ENTREP2: variants seen among roughly 807,000 people sequenced by gnomAD.
ENTREP2 encodes protein ENTREP2.
the ENTREP2 span, among the ~76,000 whole-genome samples, chr15:29,232,290 A>G: frequency 1.3e-5 from 2 of 152,174 alleles, no homozygotes; most frequent in Non-Finnish European, 2.9e-5. Flanking sequence ...TTTAAATTCG[A>G]TCTATTTCAC....
At chr15:29,267,233 A>G in the ENTREP2 span, 1 of 152,156 alleles carries the variant, frequency 6.6e-6, no homozygotes, top group Non-Finnish European at 1.5e-5. Flanking sequence ...TCCCCGAGTT[A>G]AAAATATTTG....
the ENTREP2 span, among the ~76,000 whole-genome samples, chr15:29,244,396 A>G: frequency 3.3e-5 from 5 of 152,242 alleles, no homozygotes; most frequent in Non-Finnish European, 7.3e-5. Context: ...GTGTTAAAAA[A>G]TTCCAGTGTT....
At chr15:29,525,799 T>C in the ENTREP2 span, among the ~76,000 whole-genome samples, 3 of 152,304 alleles carry the variant, frequency 2.0e-5, no homozygotes, top group East Asian at 5.8e-4. Context: ...TAACCTGATT[T>C]TGGTGATGGT....
the ENTREP2 span, among the ~76,000 whole-genome samples, chr15:29,128,383 C>T: frequency 6.6e-6 from 1 of 152,132 alleles, no homozygotes; most frequent in Non-Finnish European, 1.5e-5. Context: ...TCCTGCCAGC[C>T]GCCCAGCCCA....
chr15:29,379,542 AACT>A, the ENTREP2 span, among the ~76,000 whole-genome samples: 1 of 152,180 alleles, frequency 6.6e-6, no homozygotes, highest in Admixed American at 6.5e-5. Flanking sequence ...GCCCTGCTCC[AACT>A]ATGCGGCAGG....
chr15:29,617,889 G>A, the ENTREP2 span, among the ~76,000 whole-genome samples: 1 of 152,204 alleles, frequency 6.6e-6, no homozygotes, highest in South Asian at 2.1e-4. Flanking sequence ...CAGAAGGTTA[G>A]GACCAGGCAG....
the ENTREP2 span, among the ~76,000 whole-genome samples, chr15:29,170,495 A>G: frequency 1.3e-5 from 2 of 152,326 alleles, no homozygotes; most frequent in African/African-American, 4.8e-5. Context: ...AGTCATGAAT[A>G]GGAAGATTCA....
At chr15:29,206,963 A>G in the ENTREP2 span, among the ~76,000 whole-genome samples, 1 of 152,062 alleles carries the variant, frequency 6.6e-6, no homozygotes, top group Non-Finnish European at 1.5e-5. Flanking sequence ...TACCTTCACC[A>G]CTGTCTCCCC....
At chr15:29,444,635 T>G in the ENTREP2 span, among the ~76,000 whole-genome samples, 1 of 151,872 alleles carries the variant, frequency 6.6e-6, no homozygotes, top group Non-Finnish European at 1.5e-5. Context: ...CCTGGCTAAT[T>G]TTTGTATTTT....
At chr15:29,445,372 G>A in the ENTREP2 span, among the ~76,000 whole-genome samples, 1 of 152,146 alleles carries the variant, frequency 6.6e-6, no homozygotes, top group Non-Finnish European at 1.5e-5. Context: ...AACCAACCCT[G>A]TGATTAGAGC....
chr15:29,646,258 G>A, the ENTREP2 span, among the ~76,000 whole-genome samples: 1 of 152,196 alleles, frequency 6.6e-6, no homozygotes, highest in Admixed American at 6.5e-5. Context: ...AAGTCCAGGT[G>A]GCTTGACTGG....
At chr15:29,233,836 A>G in the ENTREP2 span, 3 of 1,580,750 alleles carry the variant, frequency 1.9e-6, no homozygotes, top group Non-Finnish European at 2.6e-6. Context: ...ATTAAAAAGG[A>G]GTAGAATGAG....
the ENTREP2 span, among the ~76,000 whole-genome samples, chr15:29,245,887 G>A: frequency 6.6e-6 from 1 of 152,178 alleles, no homozygotes; most frequent in Non-Finnish European, 1.5e-5. Context: ...AAGGTGTGAA[G>A]GGGTGCCTTG....
the ENTREP2 span, among the ~76,000 whole-genome samples, chr15:29,657,012 C>A: frequency 0.1 from 15,188 of 152,108 alleles, 2,357 homozygotes; most frequent in African/African-American, 0.33. Flanking sequence ...GGTCTCGCTG[C>A]CTTCAAGAAC....
chr15:29,505,326 A>G, the ENTREP2 span, among the ~76,000 whole-genome samples: 1 of 152,258 alleles, frequency 6.6e-6, no homozygotes, highest in African/African-American at 2.4e-5. This position sits in a 1 kb window ranked among gnomAD's most constrained non-coding sequence, Gnocchi z 4.3. Context: ...CTATGGGCGC[A>G]GCTTCAGCAG....
the ENTREP2 span, among the ~76,000 whole-genome samples, chr15:29,520,672 T>C: frequency 6.6e-6 from 1 of 152,100 alleles, no homozygotes; most frequent in Non-Finnish European, 1.5e-5. Context: ...AATTGAAGTA[T>C]TTTATGAAAA....
At chr15:29,323,453 T>C in the ENTREP2 span, among the ~76,000 whole-genome samples, 1 of 152,154 alleles carries the variant, frequency 6.6e-6, no homozygotes, top group Non-Finnish European at 1.5e-5. Flanking sequence ...CTTCCTCCTA[T>C]CTTACCCTAT....
chr15:29,461,323 A>C, the ENTREP2 span, among the ~76,000 whole-genome samples: 1 of 152,200 alleles, frequency 6.6e-6, no homozygotes. Flanking sequence ...TATCAGTATC[A>C]ACACACCAGA....
the ENTREP2 span, among the ~76,000 whole-genome samples, chr15:29,230,336 C>G: frequency 1.0e-3 from 156 of 152,124 alleles, no homozygotes; most frequent in Non-Finnish European, 1.8e-3. Context: ...GAAGTAATCC[C>G]TACAGCTCTT....
Sources: allele counts gnomAD v4.1 joint callset (sites outside exome capture counted in the v4.1 genomes callset), GRCh38; gene constraint gnomAD v4.1.1; non-coding constraint Gnocchi (gnomAD v3.1); transcripts MANE v1.5; gene names NCBI Gene and HGNC (gene_info 2026-07-23, HGNC 2026-07-21).